The following EYS variants were observed in gnomAD, a reference collection of about 807,000 sequenced individuals.
EYS encodes EGF-like photoreceptor maintenance factor.
In EYS, 250 loss-of-function variants were observed where a neutral mutation model predicts 282.1. The ratio of observed to expected loss-of-function variants is 0.89; its 90% CI spans 0.80 to 0.98. EYS has a LOEUF of 0.98. EYS is among the 50% of genes least tolerant of loss of function. The probability of loss-of-function intolerance (pLI) is 0.00; values close to 1 mark genes in which losing one functional copy is unlikely to be tolerated. For synonymous variants in EYS, 1,355 were observed against 1,282.9 expected (o/e 1.06, Z -1.20); for missense variants, 4,016 against 3,709.0 (o/e 1.08, Z -2.15).
chr6:64,757,574 T>A (rs75282988), intron 22 of EYS, among the ~76,000 whole-genome samples: 403 of 152,252 alleles, frequency 2.6e-3, no homozygotes, highest in South Asian at 5.4e-3. Flanking sequence ...AATGTATGCA[T>A]CTGCTTAACC....
At chr6:65,337,544 G>A (rs890832317) in intron 10 of EYS, among the ~76,000 whole-genome samples, 2 of 150,886 alleles carry the variant, frequency 1.3e-5, no homozygotes, top group Non-Finnish European at 3.0e-5. Flanking sequence ...TCTACAGGTA[G>A]TTTAGCTTCC....
chr6:64,180,009 T>G (rs1347162749), intron 31 of EYS, among the ~76,000 whole-genome samples: 1 of 152,058 alleles, frequency 6.6e-6, no homozygotes, highest in African/African-American at 2.4e-5. Flanking sequence ...AGGTTTGAGA[T>G]AAAACAAAAT....
chr6:65,189,430 A>G (rs568087463), intron 12 of EYS, among the ~76,000 whole-genome samples: 4 of 151,880 alleles, frequency 2.6e-5, no homozygotes, highest in African/African-American at 4.8e-5. Flanking sequence ...GTATCACTCT[A>G]TGGAACATAT....
Position 64,593,123 on chromosome 6 carries a change from C to A in EYS, c.3871G>T (p.Asp1291Tyr). Residue 1291 changes from aspartate to tyrosine, a missense_variant, in exon 25 of 43, where the codon GAT becomes TAT. By Grantham distance (160) the Asp-to-Tyr change is radical. Transcript: ENST00000503581. ...CTTACCCACTTCTACTTACCTTGAT[C>A]AACTGGGTAAGTGTCCATTATGGCT... ...IPAIMDTYPV[D>Y]QGPKQTGIVK... 1 of 1,516,258 alleles carries A rather than the reference C, an allele frequency of 6.6e-7. No homozygotes were observed. Among genetic ancestry groups the A allele is most frequent in the South Asian group, 1.3e-5 (1 of 75,400 alleles). 93.9% of individuals were successfully genotyped at this position (1,516,258 alleles called of 1,614,324 possible). A position where few individuals can be genotyped will look rare whatever the true frequency, so the allele number is the denominator to read the frequency against.
chr6:64,961,475 A>G (rs1457690401), intron 14 of EYS, among the ~76,000 whole-genome samples: 1 of 152,080 alleles, frequency 6.6e-6, no homozygotes, highest in Non-Finnish European at 1.5e-5. Context: ...ATATACACAC[A>G]CAATTTATAT....
chr6:64,229,474 T>C (rs902919626), intron 31 of EYS, among the ~76,000 whole-genome samples: 2 of 152,294 alleles, frequency 1.3e-5, no homozygotes, highest in Middle Eastern at 3.4e-3. Context: ...AACATCATGA[T>C]ATTTTGCAAA....
At chr6:65,257,374 G>C (rs1767497177) in intron 12 of EYS, among the ~76,000 whole-genome samples, 1 of 111,232 alleles carries the variant, frequency 9.0e-6, no homozygotes, top group Admixed American at 8.5e-5. Flanking sequence ...GTAATGCCTA[G>C]GTTTTCTTCT....
At chr6:64,464,286 G>A (rs1169772939) in intron 26 of EYS, among the ~76,000 whole-genome samples, 1 of 152,114 alleles carries the variant, frequency 6.6e-6, no homozygotes, top group African/African-American at 2.4e-5. Flanking sequence ...ATTACGTATA[G>A]AAGGAATGCA....
chr6:64,114,067 C>T (rs1393690479), intron 31 of EYS, among the ~76,000 whole-genome samples: 1 of 151,968 alleles, frequency 6.6e-6, no homozygotes, highest in Non-Finnish European at 1.5e-5. Flanking sequence ...ACTTACCAGC[C>T]TTTGTTCTAC....
At chr6:64,927,401 TCTTA>T (rs1768552251) in intron 15 of EYS, among the ~76,000 whole-genome samples, 1 of 152,120 alleles carries the variant, frequency 6.6e-6, no homozygotes, top group Non-Finnish European at 1.5e-5. Flanking sequence ...CAATACGAAA[TCTTA>T]CTTACCTAGA....
intron 26 of EYS, among the ~76,000 whole-genome samples, chr6:64,494,505 T>C (rs1776833483): frequency 6.6e-6 from 1 of 151,672 alleles, no homozygotes; most frequent in Admixed American, 6.6e-5. Flanking sequence ...GTTCCTAATA[T>C]CTACTCCTTT....
intron 29 of EYS, among the ~76,000 whole-genome samples, chr6:64,342,108 T>C (rs1021532467): frequency 2.0e-5 from 3 of 151,618 alleles, no homozygotes; most frequent in African/African-American, 7.3e-5. Flanking sequence ...GTATATAGTA[T>C]AATTATAGCA....
intron 2 of EYS, among the ~76,000 whole-genome samples, chr6:65,619,380 T>C (rs1409411794): frequency 3.3e-5 from 5 of 152,154 alleles, no homozygotes; most frequent in African/African-American, 7.2e-5. Flanking sequence ...ATAAGAATGC[T>C]TGTGATTTTT....
At chr6:65,450,710 A>T (rs1582312093) in intron 5 of EYS, among the ~76,000 whole-genome samples, 1 of 152,124 alleles carries the variant, frequency 6.6e-6, no homozygotes, top group African/African-American at 2.4e-5. Flanking sequence ...AAGGGGCTGA[A>T]GCTTTCCTGC....
chr6:65,244,366 A>G (rs1287628325), intron 12 of EYS, among the ~76,000 whole-genome samples: 1 of 152,196 alleles, frequency 6.6e-6, no homozygotes. Context: ...AAATTAGCAC[A>G]TAAGTTATTC....
At chr6:65,023,489 T>C (rs1772309387) in intron 13 of EYS, among the ~76,000 whole-genome samples, 1 of 152,224 alleles carries the variant, frequency 6.6e-6, no homozygotes, top group Non-Finnish European at 1.5e-5. Flanking sequence ...TTTGTTGTTG[T>C]TGAAGTGGCG....
At chr6:64,215,156 T>C (rs1228906673) in intron 31 of EYS, among the ~76,000 whole-genome samples, 1 of 152,042 alleles carries the variant, frequency 6.6e-6, no homozygotes, top group Non-Finnish European at 1.5e-5. Flanking sequence ...TTTATGAATA[T>C]ATGAAATATG....
chr6:63,940,216 A>G (rs868710614), intron 35 of EYS, among the ~76,000 whole-genome samples: 9 of 152,192 alleles, frequency 5.9e-5, no homozygotes, highest in African/African-American at 1.9e-4. Flanking sequence ...TCATGACATT[A>G]CAAGAAAAAG....
chr6:64,628,455 G>A (rs1048330615), intron 22 of EYS, among the ~76,000 whole-genome samples: 1 of 151,968 alleles, frequency 6.6e-6, no homozygotes, highest in African/African-American at 2.4e-5. Flanking sequence ...CTGCTACCCA[G>A]GCTGGAGTGC....
Sources: allele counts gnomAD v4.1 joint callset (sites outside exome capture counted in the v4.1 genomes callset), GRCh38; gene constraint gnomAD v4.1.1; transcripts MANE v1.5; gene names NCBI Gene and HGNC (gene_info 2026-07-23, HGNC 2026-07-21).